PKP4: variants seen among roughly 807,000 people sequenced by gnomAD.
The protein encoded by PKP4 is plakophilin 4.
A neutral mutation model predicts 145.1 loss-of-function variants in PKP4; 90 were observed. The ratio of observed to expected loss-of-function variants is 0.62; its 90% CI spans 0.52 to 0.74. PKP4 has a LOEUF of 0.74. Among genes scored for constraint, PKP4 ranks in the 30% least tolerant of loss-of-function variants. The pLI is 0.00. For synonymous variants in PKP4, 563 were observed against 577.2 expected, an observed-to-expected ratio of 0.98 and a Z score of 0.35; for missense variants, 1,340 against 1,482.7, an observed-to-expected ratio of 0.90 and a Z score of 1.58.
chr2:158,465,353 A>G (rs568986700), intron 1 of PKP4, among the ~76,000 whole-genome samples: 32 of 152,342 alleles, frequency 2.1e-4, no homozygotes, highest in Non-Finnish European at 4.1e-4. Flanking sequence ...TGCACCAAAG[A>G]TAAATAGTGA....
At position 158,677,537 on chromosome 2, in the gene PKP4, T is replaced by A. The variant is rs537270167; in HGVS notation, c.3256+670T>A. On this transcript the variant is annotated intron_variant, in intron 20 of 21. Transcript: ENST00000389759. The stretch of plus-strand genomic sequence containing the variant: ...GTCTGGCGATTATAACTACTTTAGA[T>A]GTTCCAAATAAGTCAGTGTGAGCTA... Among the ~76,000 whole-genome samples the A allele has an allele frequency of 1.4e-4, 21 of 152,344 alleles. No individual in the cohort carries two copies. The South Asian group carries it at 3.9e-3, about 29-fold the overall frequency.
At chr2:158,604,521 AGAATTTGGTGTGT>A (rs1255341633) in intron 4 of PKP4, among the ~76,000 whole-genome samples, 1 of 152,208 alleles carries the variant, frequency 6.6e-6, no homozygotes, top group African/African-American at 2.4e-5. Context: ...AGCTTACTGC[AGAATTTGGTGTGT>A]GAGATCATCT....
chr2:158,583,094 A>G (rs957669943), intron 3 of PKP4, among the ~76,000 whole-genome samples: 1 of 152,214 alleles, frequency 6.6e-6, no homozygotes, highest in Non-Finnish European at 1.5e-5. Flanking sequence ...TAGAATCTTC[A>G]GAGGGAAATA....
chr2:158,522,898 C>G (rs2042536545), intron 1 of PKP4, among the ~76,000 whole-genome samples: 1 of 152,238 alleles, frequency 6.6e-6, no homozygotes, highest in Non-Finnish European at 1.5e-5. Flanking sequence ...GGGTCACTCC[C>G]ACCCGAATAC....
At chr2:158,533,381 G>A in intron 2 of PKP4, 65 bp downstream of exon 2, 1 of 1,571,072 alleles carries the variant, frequency 6.4e-7, no homozygotes, top group Non-Finnish European at 8.7e-7. Context: ...ATTAATCTTT[G>A]GATATGTTTT....
intron 1 of PKP4, among the ~76,000 whole-genome samples, chr2:158,486,728 A>G (rs1258533891): frequency 6.6e-6 from 1 of 152,248 alleles, no homozygotes; most frequent in African/African-American, 2.4e-5. Context: ...TGAAAAATGT[A>G]CTGATGTGTA....
intron 11 of PKP4, among the ~76,000 whole-genome samples, chr2:158,651,956 GC>G (rs768275860): frequency 6.6e-6 from 1 of 151,996 alleles, no homozygotes; most frequent in Non-Finnish European, 1.5e-5. Context: ...TTGTGGTAAG[GC>G]CCCCCTGAGA....
intron 1 of PKP4, among the ~76,000 whole-genome samples, chr2:158,529,460 A>G (rs7589768): frequency 0.88 from 133,255 of 152,198 alleles, 58,614 homozygotes; most frequent in Middle Eastern, 0.94. Flanking sequence ...CTGTCCCCTT[A>G]CCTGGAAATA....
At position 158,560,588 on chromosome 2, in the gene PKP4, AT is replaced by A. The variant is rs975106231; in HGVS notation, c.133-16674del. ...ATCTGTCTATGGCAGAAATTACTTAATTTTTTTTTCTCTACTTAGGAAATGA... is the reference window on the plus strand; with the variant it reads ...ATCTGTCTATGGCAGAAATTACTTAATTTTTTTTCTCTACTTAGGAAATGA... On this transcript the variant is annotated intron_variant, in intron 2 of 21. Coordinates refer to ENST00000389759, the MANE Select transcript of PKP4 (RefSeq NM_003628.6). 4.6e-5 allele frequency among the ~76,000 whole-genome samples: 7 copies of A among 151,964 alleles called. No individual in the cohort carries two copies. In the East Asian group the frequency reaches 7.7e-4, roughly 17 times the overall value.
chr2:158,679,376 T>C (rs2058280563), intron 21 of PKP4: 1 of 152,236 alleles, frequency 6.6e-6, no homozygotes, highest in Non-Finnish European at 1.5e-5. Flanking sequence ...CCTCTCCTTC[T>C]CGTCATCTTT....
chr2:158,528,636 T>TAAAAAA (rs70994211), intron 1 of PKP4, among the ~76,000 whole-genome samples: 2 of 81,526 alleles, frequency 2.5e-5, no homozygotes, highest in African/African-American at 4.9e-5. Flanking sequence ...TAAAGTATAA[T>TAAAAAA]AAAAAAAAAA....
Position 158,624,939 on chromosome 2 carries a change from C to T in PKP4, c.665C>T (p.Pro222Leu). The T allele has an allele frequency of 6.2e-7, 1 of 1,613,950 alleles. No individual in the cohort carries two copies. Among genetic ancestry groups the T allele is most frequent in the Non-Finnish European group, 8.5e-7 (1 of 1,179,914 alleles). ...TCAGTTCCATCTAGAGCACAGTCTC[C>T]TTCTTATGTTATCAGCACAGGCGTG... ...VSSVPSRAQS[P>L]SYVISTGVSP... The change falls in exon 7 of 22, where the codon CCT (proline) becomes CTT (leucine). Residue 222 changes from proline (P) to leucine (L), a missense_variant. Coordinates refer to ENST00000389759, the MANE Select transcript of PKP4 (RefSeq NM_003628.6).
At chr2:158,467,427 C>G (rs1227102357) in intron 1 of PKP4, among the ~76,000 whole-genome samples, 1 of 151,734 alleles carries the variant, frequency 6.6e-6, no homozygotes, top group Admixed American at 6.6e-5. Context: ...TGGCCTACAC[C>G]TGTAGTTACA....
At chr2:158,643,126 C>T (rs1239059949) in intron 11 of PKP4, among the ~76,000 whole-genome samples, 1 of 152,052 alleles carries the variant, frequency 6.6e-6, no homozygotes, top group Non-Finnish European at 1.5e-5. Flanking sequence ...TACTAGGCCC[C>T]AGGGATAGAA....
At chr2:158,659,052 C>G (rs1468455692) in intron 12 of PKP4, 1 of 152,260 alleles carries the variant, frequency 6.6e-6, no homozygotes, top group Non-Finnish European at 1.5e-5. Flanking sequence ...TCAGCAGGTA[C>G]TTGTGGAAGG....
chr2:158,459,353 C>A (rs1689404923), intron 1 of PKP4, among the ~76,000 whole-genome samples: 1 of 152,148 alleles, frequency 6.6e-6, no homozygotes, highest in Non-Finnish European at 1.5e-5. Context: ...ATGTCAGATT[C>A]AGTAAAATAA....
At chr2:158,676,574 G>A (rs924872327) in intron 19 of PKP4, among the ~76,000 whole-genome samples, 165 bp from the exon 20 acceptor site, 3 of 152,156 alleles carry the variant, frequency 2.0e-5, no homozygotes. Context: ...CAGTACTTGG[G>A]TCTAGCTGCT....
At chr2:158,472,578 A>C (rs1386241066) in intron 1 of PKP4, among the ~76,000 whole-genome samples, 3 of 139,340 alleles carry the variant, frequency 2.2e-5, no homozygotes, top group Non-Finnish European at 4.5e-5. Flanking sequence ...AAGCCACTGC[A>C]CTCCAGCCTG....
intron 1 of PKP4, among the ~76,000 whole-genome samples, chr2:158,524,504 A>G (rs924045132): frequency 3.9e-5 from 4 of 103,264 alleles, no homozygotes; most frequent in African/African-American, 7.3e-5. Flanking sequence ...GAAAGGAACA[A>G]CCGGTACCAG....
Sources: gnomAD v4.1 joint callset for allele counts (sites outside exome capture counted in the v4.1 genomes callset) on GRCh38, gnomAD v4.1.1 for gene constraint, MANE v1.5 for transcripts, NCBI Gene and HGNC (gene_info 2026-07-23, HGNC 2026-07-21) for gene names.